Variants in NHEJ1 observed in about 807,000 individuals in gnomAD.
NHEJ1 encodes non-homologous end-joining factor 1.
NHEJ1 carries 22 observed loss-of-function variants against 39.4 expected under a neutral mutation model. The observed-to-expected ratio is 0.56, with a 90% CI of 0.40 to 0.80. The LOEUF (loss-of-function observed/expected upper bound fraction) is 0.80. Among genes scored for constraint, NHEJ1 ranks in the 30% least tolerant of loss-of-function variants. NHEJ1 has a pLI of 0.00. For missense variants in NHEJ1, 329 were observed against 357.1 expected (o/e 0.92, Z 0.63); for synonymous variants, 154 against 135.6 (o/e 1.14, Z -0.94).
intron 5 of NHEJ1, among the ~76,000 whole-genome samples, chr2:219,086,700 C>T (rs1206913841): frequency 6.6e-6 from 1 of 151,874 alleles, no homozygotes; most frequent in Non-Finnish European, 1.5e-5. Context: ...CTCAGCTCTG[C>T]CCCCAAAGAA....
intron 5 of NHEJ1, among the ~76,000 whole-genome samples, chr2:219,105,577 C>T (rs1472574206): frequency 2.0e-5 from 3 of 152,178 alleles, no homozygotes; most frequent in African/African-American, 7.2e-5. Context: ...GAAATATTAA[C>T]AAATGCTGTT....
chr2:219,137,597 A>AAAAAAAAAAAAAAG (rs1949646763), intron 5 of NHEJ1, among the ~76,000 whole-genome samples: 2 of 150,490 alleles, frequency 1.3e-5, no homozygotes, highest in Non-Finnish European at 3.0e-5. Context: ...AAAAAACAAA[A>AAAAAAAAAAAAAAG]AAAACTGAAA....
At chr2:219,154,887 T>C (rs1312435818) in intron 3 of NHEJ1, among the ~76,000 whole-genome samples, 13 of 147,314 alleles carry the variant, frequency 8.8e-5, no homozygotes, top group Admixed American at 4.1e-4. Flanking sequence ...TAATATATAA[T>C]ACATTATATT....
Position 219,071,383 on chromosome 2 carries a change from C to T in NHEJ1, c.*4998G>A, listed in dbSNP as rs770160971. Among the ~76,000 whole-genome samples, 17 of 152,224 alleles carry T rather than the reference C, an allele frequency of 1.1e-4. No homozygotes were observed. Among genetic ancestry groups the T allele is most frequent in the Non-Finnish European group, 2.1e-4 (14 of 68,028 alleles). On this transcript the variant is annotated 3_prime_UTR_variant, in exon 8 of 8. Transcript: ENST00000356853. ...GGTTAGGCAAACAGGCCAGGGAGGC[C>T]GTTGGTTGAAATTTAACCACAATAT...
In NHEJ1 at chr2:219,084,353, A is replaced by G. The variant is rs536849958; in HGVS notation, c.589-6147T>C. Among the ~76,000 whole-genome samples the G allele has an allele frequency of 3.9e-5, 6 of 152,322 alleles. No homozygotes were observed. In the South Asian group the frequency reaches 1.2e-3, roughly 32 times the overall value. ...GGATTTATTGGGATGCGACCCCATC[A>G]TAAGTTGAGAAGCATCTGTATTAAC... is the stretch of plus-strand genomic sequence containing the variant. On this transcript the variant is annotated intron_variant, in intron 5 of 7. Transcript: ENST00000356853.
At chr2:219,078,273 C>A in intron 5 of NHEJ1, 67 bp from the exon 6 acceptor site, 1 of 1,316,288 alleles carries the variant, frequency 7.6e-7, no homozygotes, top group Non-Finnish European at 1.1e-6. Flanking sequence ...TAATACCCCA[C>A]ATGCAGAACC....
chr2:219,126,696 G>A (rs779700709), intron 5 of NHEJ1, among the ~76,000 whole-genome samples: 1 of 152,324 alleles, frequency 6.6e-6, no homozygotes, highest in South Asian at 2.1e-4. Context: ...TTATAGTACA[G>A]TGTTGATATG....
At chr2:219,078,852 C>G (rs946085156) in intron 5 of NHEJ1, among the ~76,000 whole-genome samples, 2 of 152,136 alleles carry the variant, frequency 1.3e-5, no homozygotes, top group African/African-American at 4.8e-5. Context: ...AAAACTGACT[C>G]TTTTAAAGTA....
chr2:219,113,848 C>T (rs77787225), intron 5 of NHEJ1, among the ~76,000 whole-genome samples: 135 of 150,602 alleles, frequency 9.0e-4, no homozygotes, highest in African/African-American at 3.2e-3. Context: ...TGATGACCAT[C>T]ACCCATTTAA....
Position 219,159,528 on chromosome 2 carries a change from T to TATATATATATGCATATATATATGC in NHEJ1, c.1-1167_1-1166insGCATATATATATGCATATATATAT, listed in dbSNP as rs745852983. Among the ~76,000 whole-genome samples the TATATATATATGCATATATATATGC allele has an allele frequency of 8.7e-5, 8 of 92,250 alleles. 1 individual carries two copies. Among genetic ancestry groups the TATATATATATGCATATATATATGC allele is most frequent in the Admixed American group, 6.6e-4 (6 of 9,072 alleles). The allele number at this position is 92,250 out of a possible 152,430, so 60.5% of individuals were successfully genotyped here. Reference sequence around the variant, plus strand: ...TGACATAACTTTATATATATATGCATATATATATGCATATATATATATGCA... The same window carrying TATATATATATGCATATATATATGC: ...TGACATAACTTTATATATATATGCATATATATATATGCATATATATATGCATATATATGCATATATATATATGCA... On this transcript the variant is annotated intron_variant, in intron 1 of 7. Transcript: ENST00000356853.
At chr2:219,149,690 C>T (rs1489376419) in intron 3 of NHEJ1, among the ~76,000 whole-genome samples, 3 of 152,176 alleles carry the variant, frequency 2.0e-5, no homozygotes, top group African/African-American at 7.2e-5. Flanking sequence ...CTTCCTTTCC[C>T]TTTCCTTAAG....
intron 5 of NHEJ1, among the ~76,000 whole-genome samples, chr2:219,108,772 C>T (rs1489358350): frequency 1.3e-5 from 2 of 151,978 alleles, no homozygotes; most frequent in Admixed American, 1.3e-4. Flanking sequence ...GGGCAATGAC[C>T]CTTTTTTGGC....
At chr2:219,121,062 G>A (rs1476678728) in intron 5 of NHEJ1, among the ~76,000 whole-genome samples, 1 of 152,008 alleles carries the variant, frequency 6.6e-6, no homozygotes, top group Non-Finnish European at 1.5e-5. Context: ...CAGGCATGGT[G>A]GTGCATGCCG....
chr2:219,080,229 T>C (rs868243463), intron 5 of NHEJ1, among the ~76,000 whole-genome samples: 1 of 152,130 alleles, frequency 6.6e-6, no homozygotes, highest in Admixed American at 6.5e-5. Flanking sequence ...GCTAGAATTG[T>C]CGAATACTTA....
chr2:219,143,512 AG>A (rs924105732), intron 5 of NHEJ1, among the ~76,000 whole-genome samples: 7 of 152,346 alleles, frequency 4.6e-5, no homozygotes, highest in African/African-American at 1.7e-4. Context: ...AAGAAATGTG[AG>A]AAGTCCTAAA....
intron 5 of NHEJ1, among the ~76,000 whole-genome samples, chr2:219,118,994 G>GT (rs1454301793): frequency 3.3e-5 from 5 of 152,320 alleles, no homozygotes; most frequent in Non-Finnish European, 2.9e-5. Context: ...GTGTCCCACA[G>GT]TCTTGACAGT....
Position 219,073,920 on chromosome 2 carries a change from G to T in NHEJ1, c.*2461C>A, listed in dbSNP as rs1361420106. 1.3e-5 allele frequency among the ~76,000 whole-genome samples: 2 copies of T among 152,262 alleles called. No homozygotes were observed. The highest frequency in any genetic ancestry group is 4.8e-5 in the African/African-American group (2 of 41,466). On this transcript the variant is annotated 3_prime_UTR_variant, in exon 8 of 8. Transcript: ENST00000356853. ...GTTGGGCCAGGCTGGGGGCCTCAGG[G>T]AGGGGCCCAAGCCAGGGGGCAGGGC...
intron 5 of NHEJ1, among the ~76,000 whole-genome samples, chr2:219,130,488 G>C (rs1222171063): frequency 1.2e-5 from 1 of 84,408 alleles, no homozygotes; most frequent in Non-Finnish European, 2.6e-5. Flanking sequence ...AAAAACGGCT[G>C]TAAGAAAACA....
At chr2:219,104,982 A>C (rs1949300980) in intron 5 of NHEJ1, among the ~76,000 whole-genome samples, 1 of 152,182 alleles carries the variant, frequency 6.6e-6, no homozygotes, top group Admixed American at 6.5e-5. Flanking sequence ...GGCAGGCAAG[A>C]ACTCAGATGT....
Sources: allele counts gnomAD v4.1 joint callset (sites outside exome capture counted in the v4.1 genomes callset), GRCh38; gene constraint gnomAD v4.1.1; transcripts MANE v1.5; gene names NCBI Gene and HGNC (gene_info 2026-07-23, HGNC 2026-07-21).